CSMD1: variants seen among roughly 807,000 people sequenced by gnomAD.
CSMD1 encodes CUB and Sushi multiple domains 1.
Under a neutral mutation model 417.5 loss-of-function variants are expected in CSMD1, and 213 were observed. The ratio of observed to expected loss-of-function variants is 0.51; its 90% CI spans 0.46 to 0.57. CSMD1 has a LOEUF of 0.57. CSMD1 is among the 20% of genes least tolerant of loss of function. The pLI, the probability that CSMD1 is intolerant of heterozygous loss-of-function variation, is 0.00. For synonymous variants in CSMD1, 2,862 were observed against 1,736.8 expected (o/e 1.65, Z -16.11); for missense variants, 6,923 against 4,529.7 (o/e 1.53, Z -15.17).
chr8:3,630,858 A>C (rs923623750), intron 7 of CSMD1, among the ~76,000 whole-genome samples: 2 of 152,156 alleles, frequency 1.3e-5, no homozygotes, highest in Non-Finnish European at 2.9e-5. Flanking sequence ...AACCAAGAGG[A>C]AACCTCAGTT....
intron 1 of CSMD1, among the ~76,000 whole-genome samples, chr8:4,707,582 A>G (rs1808020432): frequency 6.6e-6 from 1 of 152,044 alleles, no homozygotes; most frequent in South Asian, 2.1e-4. Flanking sequence ...TTTACTGCAA[A>G]CGAGCAACAA....
At chr8:4,061,228 G>C (rs966148100) in intron 3 of CSMD1, among the ~76,000 whole-genome samples, 2 of 152,180 alleles carry the variant, frequency 1.3e-5, no homozygotes, top group Admixed American at 6.5e-5. Context: ...GCTGATTAGA[G>C]AGGAAAGAGG....
chr8:4,869,760 A>T (rs534804202), intron 1 of CSMD1, among the ~76,000 whole-genome samples: 2 of 152,188 alleles, frequency 1.3e-5, no homozygotes, highest in East Asian at 3.9e-4. Context: ...CAAAACCAAA[A>T]GCAAACACAT....
chr8:4,385,108 GAA>G (rs1291573343), intron 3 of CSMD1, among the ~76,000 whole-genome samples: 1 of 152,058 alleles, frequency 6.6e-6, no homozygotes, highest in Non-Finnish European at 1.5e-5. Context: ...TGTATTTTTA[GAA>G]GAGACGGTGT....
At position 4,489,248 on chromosome 8, in the gene CSMD1, C is replaced by T. The variant is rs182751253; in HGVS notation, c.303-69183G>A. Among the ~76,000 whole-genome samples, 10 of 152,276 alleles carry T rather than the reference C, an allele frequency of 6.6e-5. No homozygotes were observed. The East Asian group carries it at 1.9e-3, about 29-fold the overall frequency. ...TCTTACATATTTTCTACTTAAGGTG[C>T]CCTCCTTTTTCTAAGAATAAGCAAG... On this transcript the variant is annotated intron_variant, in intron 2 of 69. Coordinates refer to ENST00000635120, the MANE Select transcript of CSMD1 (RefSeq NM_033225.6).
At chr8:3,850,389 T>C (rs1166319686) in intron 5 of CSMD1, among the ~76,000 whole-genome samples, 1 of 152,196 alleles carries the variant, frequency 6.6e-6, no homozygotes, top group Non-Finnish European at 1.5e-5. Context: ...TGACACTGAA[T>C]TCAACTCCTC....
At chr8:4,560,059 C>G (rs1431934851) in intron 2 of CSMD1, among the ~76,000 whole-genome samples, 1 of 152,220 alleles carries the variant, frequency 6.6e-6, no homozygotes, top group Non-Finnish European at 1.5e-5. Context: ...CCTTGGGGTC[C>G]TCGACTGCAT....
rs545333515 is a variant in CSMD1, at chr8:4,969,205, C to T, written c.85+25127G>A. Among the ~76,000 whole-genome samples the T allele has an allele frequency of 1.8e-4, 27 of 152,188 alleles. No homozygotes were observed. The South Asian group carries it at 2.5e-3, about 14-fold the overall frequency. On this transcript the variant is annotated intron_variant, in intron 1 of 69. Coordinates refer to ENST00000635120, the MANE Select transcript of CSMD1 (RefSeq NM_033225.6). ...GTGTGTGTTGGTCTCCTGCTCACTG[C>T]TATGCTAGTGACTTGTACAACAAAC...
At chr8:3,327,341 AC>A (rs1230644555) in intron 23 of CSMD1, among the ~76,000 whole-genome samples, 3 of 151,846 alleles carry the variant, frequency 2.0e-5, no homozygotes, top group Non-Finnish European at 4.4e-5. Flanking sequence ...CACCATGTTA[AC>A]CAGGATGGTC....
At chr8:4,274,912 G>A (rs918125336) in intron 3 of CSMD1, among the ~76,000 whole-genome samples, 2 of 152,128 alleles carry the variant, frequency 1.3e-5, no homozygotes, top group Non-Finnish European at 2.9e-5. Flanking sequence ...AGAAGGAAAT[G>A]TTGTGTCTTG....
At chr8:3,640,004 T>C (rs1433776671) in intron 7 of CSMD1, among the ~76,000 whole-genome samples, 2 of 152,204 alleles carry the variant, frequency 1.3e-5, no homozygotes, top group African/African-American at 2.4e-5. Context: ...ATATAGTAGG[T>C]GCTCAATAAA....
At chr8:3,803,940 T>C (rs551612865) in intron 5 of CSMD1, among the ~76,000 whole-genome samples, 1 of 152,086 alleles carries the variant, frequency 6.6e-6, no homozygotes, top group Non-Finnish European at 1.5e-5. Flanking sequence ...CTTTTTTTCT[T>C]TTTTTGAGGT....
At chr8:3,174,373 C>T (rs1246092491) in intron 37 of CSMD1, among the ~76,000 whole-genome samples, 3 of 152,058 alleles carry the variant, frequency 2.0e-5, no homozygotes, top group Non-Finnish European at 4.4e-5. Context: ...CATTTGCCTT[C>T]AGTCCCAGCT....
chr8:4,032,985 G>A (rs145317407), intron 3 of CSMD1, among the ~76,000 whole-genome samples: 4 of 152,022 alleles, frequency 2.6e-5, no homozygotes, highest in Non-Finnish European at 5.9e-5. Flanking sequence ...CTGACAATCT[G>A]TTTGCGGAAG....
chr8:4,951,294 G>T (rs1424222006), intron 1 of CSMD1, among the ~76,000 whole-genome samples: 1 of 152,060 alleles, frequency 6.6e-6, no homozygotes, highest in Non-Finnish European at 1.5e-5. Context: ...AATTGTTCAC[G>T]CTCAGTCTTT....
At chr8:3,144,257 C>T (rs534394442) in intron 40 of CSMD1, among the ~76,000 whole-genome samples, 16 of 148,736 alleles carry the variant, frequency 1.1e-4, no homozygotes, top group Non-Finnish European at 2.0e-4. Context: ...CGGACAAAGG[C>T]CTCACTTTTT....
At chr8:3,113,439 T>C (rs920826668) in intron 42 of CSMD1, 2 of 152,260 alleles carry the variant, frequency 1.3e-5, no homozygotes, top group Admixed American at 1.3e-4. Flanking sequence ...TATTTGCTCA[T>C]GTATTTTTCC....
At chr8:4,094,871 T>G (rs142821364) in intron 3 of CSMD1, among the ~76,000 whole-genome samples, 3 of 152,148 alleles carry the variant, frequency 2.0e-5, no homozygotes, top group Non-Finnish European at 2.9e-5. Context: ...TTGGGGCATA[T>G]TGTGTATGTT....
chr8:4,609,995 T>C (rs572218853), intron 2 of CSMD1, among the ~76,000 whole-genome samples: 3 of 151,728 alleles, frequency 2.0e-5, no homozygotes, highest in African/African-American at 7.2e-5. Context: ...ACTAAACCTA[T>C]GGGAATGACC....
Sources: gnomAD v4.1 joint callset for allele counts (sites outside exome capture counted in the v4.1 genomes callset) on GRCh38, gnomAD v4.1.1 for gene constraint, MANE v1.5 for transcripts, NCBI Gene and HGNC (gene_info 2026-07-23, HGNC 2026-07-21) for gene names.